Variants in PIK3C2G observed in about 807,000 individuals in gnomAD.
The protein encoded by PIK3C2G is phosphatidylinositol 3-kinase C2 domain-containing subunit gamma.
PIK3C2G carries 168 observed loss-of-function variants against 181.1 expected under a neutral mutation model. That is an observed-to-expected ratio of 0.93 (90% CI 0.82 to 1.05). The LOEUF is 1.05. Among genes scored for constraint, PIK3C2G ranks in the 50% least tolerant of loss-of-function variants. The probability of loss-of-function intolerance (pLI) is 0.00; values close to 1 mark genes in which losing one functional copy is unlikely to be tolerated. For synonymous variants in PIK3C2G, 573 were observed against 592.2 expected (o/e 0.97, Z 0.47); for missense variants, 1,869 against 1,732.8 (o/e 1.08, Z -1.40).
chr12:18,471,479 G>C (rs948852563), intron 18 of PIK3C2G, among the ~76,000 whole-genome samples: 4 of 152,034 alleles, frequency 2.6e-5, no homozygotes, highest in African/African-American at 9.7e-5. Flanking sequence ...TTAACTTTCT[G>C]CTCTTGTCCA....
intron 20 of PIK3C2G, chr12:18,493,673 T>C (rs1158651973): frequency 6.6e-6 from 1 of 152,292 alleles, no homozygotes; most frequent in Non-Finnish European, 1.5e-5. Flanking sequence ...GGGTTCACAC[T>C]GGAAAGGAGC....
chr12:18,719,059 A>G, the PIK3C2G span, among the ~76,000 whole-genome samples: 5 of 152,196 alleles, frequency 3.3e-5, no homozygotes, highest in Non-Finnish European at 7.3e-5. Flanking sequence ...ATGTCTGAGA[A>G]TTAATTTTAA....
the PIK3C2G span, chr12:18,723,188 A>C: frequency 1.2e-6 from 1 of 819,284 alleles, no homozygotes; most frequent in African/African-American, 1.7e-5. Flanking sequence ...TATTTGACCC[A>C]TCCAAAAACG....
intron 24 of PIK3C2G, among the ~76,000 whole-genome samples, chr12:18,506,140 T>C (rs1016093657): frequency 9.9e-5 from 15 of 152,218 alleles, no homozygotes; most frequent in East Asian, 1.9e-4. Context: ...GACCACCTCA[T>C]GGAGATCCAT....
At chr12:18,641,742 G>GTTTTTTTTTTTTT (rs1949849644) in intron 32 of PIK3C2G, among the ~76,000 whole-genome samples, 1 of 97,108 alleles carries the variant, frequency 1.0e-5, no homozygotes, top group African/African-American at 5.6e-5. Flanking sequence ...TCTCTCTCAA[G>GTTTTTTTTTTTTT]CTTTTTTTTT....
intron 12 of PIK3C2G, among the ~76,000 whole-genome samples, chr12:18,367,336 A>G (rs1941710246): frequency 6.6e-6 from 1 of 152,192 alleles, no homozygotes; most frequent in Non-Finnish European, 1.5e-5. Context: ...TTGAAAGAAA[A>G]CAAAGAGAGG....
At chr12:18,276,169 C>T (rs889541777) in intron 1 of PIK3C2G, among the ~76,000 whole-genome samples, 12 of 152,126 alleles carry the variant, frequency 7.9e-5, no homozygotes, top group Admixed American at 2.0e-4. Flanking sequence ...TCCTCAAATG[C>T]CACTAGGTTG....
chr12:18,517,943 G>T (rs1050400603), intron 24 of PIK3C2G, among the ~76,000 whole-genome samples: 3 of 152,062 alleles, frequency 2.0e-5, no homozygotes, highest in African/African-American at 7.2e-5. Context: ...TAACATGAAG[G>T]GATGTTGAAT....
rs767466836 is a variant in PIK3C2G at position 18,320,989 on chromosome 12, C to T, written c.1165C>T (p.Leu389=). The T allele has an allele frequency of 6.4e-7, 1 of 1,573,500 alleles. No individual in the cohort carries two copies. Among genetic ancestry groups the T allele is most frequent in the Non-Finnish European group, 8.7e-7 (1 of 1,147,154 alleles). Residue 389 remains leucine, a synonymous_variant, in exon 7 of 33, where the codon CTG becomes TTG. Coordinates refer to ENST00000538779, the MANE Select transcript of PIK3C2G (RefSeq NM_001288772.2). ...KHEEDHSQFY[L]NQLLEFMHIW... is the part of the protein sequence containing the mutation. ...TGAAGAGGACCACAGTCAGTTTTAT[C>T]TGAATCAACTTCTAGAATTTATGCA...
At chr12:18,482,623 C>A (rs373932543) in intron 18 of PIK3C2G, among the ~76,000 whole-genome samples, 1 of 152,144 alleles carries the variant, frequency 6.6e-6, no homozygotes, top group Admixed American at 6.6e-5. Flanking sequence ...CTTTGCCCCC[C>A]CTTTTCTCCA....
At chr12:18,564,086 T>A (rs928552017) in intron 28 of PIK3C2G, among the ~76,000 whole-genome samples, 1 of 151,970 alleles carries the variant, frequency 6.6e-6, no homozygotes, top group African/African-American at 2.4e-5. Flanking sequence ...ATTATCTAAA[T>A]TGAATTTGTT....
the PIK3C2G span, among the ~76,000 whole-genome samples, chr12:18,690,480 C>T: frequency 6.6e-6 from 1 of 152,140 alleles, no homozygotes; most frequent in African/African-American, 2.4e-5. Flanking sequence ...CCACCTCAGC[C>T]TCCCAAAGTG....
In PIK3C2G at chr12:18,399,830, TGGGC is replaced by T. The variant is rs751856220; in HGVS notation, c.2299_2302del (p.Gly767PhefsTer2). The T allele has an allele frequency of 9.5e-6, 15 of 1,581,818 alleles. No homozygotes were observed. In the Admixed American group the frequency reaches 2.6e-4, roughly 27 times the overall value. ...CATTTTCTCAACCTTTAGAGGCTCTTGGGCTTTTGACTTCCAGGTAAGAATTGCA... is the reference window on the plus strand; with the variant it reads ...CATTTTCTCAACCTTTAGAGGCTCTTTTTTGACTTCCAGGTAAGAATTGCA... On this transcript the variant is annotated frameshift_variant, in exon 16 of 33. Coordinates refer to ENST00000538779, the MANE Select transcript of PIK3C2G (RefSeq NM_001288772.2). LOFTEE classifies it high-confidence loss of function.
chr12:18,703,023 A>C, the PIK3C2G span, among the ~76,000 whole-genome samples: 1 of 152,066 alleles, frequency 6.6e-6, no homozygotes, highest in African/African-American at 2.4e-5. Context: ...ATATGGAGCT[A>C]AAATTTGAAT....
intron 25 of PIK3C2G, 64 bp from the exon 26 acceptor site, chr12:18,546,259 A>G: frequency 1.0e-6 from 1 of 969,656 alleles, no homozygotes; most frequent in Non-Finnish European, 1.6e-6. Context: ...TAATCAAGTA[A>G]GCTTGATTGT....
intron 24 of PIK3C2G, among the ~76,000 whole-genome samples, chr12:18,521,432 C>A (rs1346002205): frequency 6.6e-6 from 1 of 152,210 alleles, no homozygotes; most frequent in African/African-American, 2.4e-5. Flanking sequence ...AGAGTTCTGT[C>A]CCCAAGCCCC....
the PIK3C2G span, among the ~76,000 whole-genome samples, chr12:18,656,557 T>A: frequency 6.6e-6 from 1 of 151,398 alleles, no homozygotes; most frequent in Admixed American, 6.6e-5. Flanking sequence ...AGAGCGAGAC[T>A]CTGTCCTGAA....
intron 24 of PIK3C2G, among the ~76,000 whole-genome samples, chr12:18,521,516 G>A (rs139311591): frequency 9.8e-5 from 15 of 152,330 alleles, no homozygotes; most frequent in African/African-American, 3.1e-4. Context: ...CAGGCATGAA[G>A]AGGCACTCTG....
intron 29 of PIK3C2G, among the ~76,000 whole-genome samples, chr12:18,574,108 C>T (rs1162827086): frequency 6.6e-6 from 1 of 152,180 alleles, no homozygotes; most frequent in African/African-American, 2.4e-5. Context: ...GTATGAAGGA[C>T]TCATCTTATT....
Sources: gnomAD v4.1 joint callset for allele counts (sites outside exome capture counted in the v4.1 genomes callset) on GRCh38, gnomAD v4.1.1 for gene constraint, MANE v1.5 for transcripts, NCBI Gene and HGNC (gene_info 2026-07-23, HGNC 2026-07-21) for gene names.